BNC2: variants seen among roughly 807,000 people sequenced by gnomAD.
BNC2 encodes basonuclin zinc finger protein 2, also known as zinc finger protein basonuclin-2.
BNC2 carries 20 observed loss-of-function variants against 76.3 expected under a neutral mutation model. The observed-to-expected ratio is 0.26, with a 90% confidence interval of 0.18 to 0.38. The LOEUF is 0.38. Ranked by LOEUF, BNC2 falls within the 10% of genes least tolerant of loss-of-function variation. The pLI, the probability that BNC2 is intolerant of heterozygous loss-of-function variation, is 1.00. For missense variants in BNC2, 1,382 were observed against 1,399.8 expected (o/e 0.99, Z 0.20); for synonymous variants, 582 against 514.8 (o/e 1.13, Z -1.77).
chr9:16,689,497 C>T (rs929944472), intron 3 of BNC2, among the ~76,000 whole-genome samples: 7 of 152,112 alleles, frequency 4.6e-5, no homozygotes, highest in Non-Finnish European at 7.4e-5. Flanking sequence ...CCTAAATAAA[C>T]AAACTAACTT....
chr9:16,566,745 G>C (rs1173207171), intron 4 of BNC2, among the ~76,000 whole-genome samples: 1 of 152,232 alleles, frequency 6.6e-6, no homozygotes, highest in East Asian at 1.9e-4. Context: ...AAAAGGTGTA[G>C]TATAGACCCT....
chr9:16,773,110 C>A (rs1294379335), intron 1 of BNC2, among the ~76,000 whole-genome samples: 1 of 152,106 alleles, frequency 6.6e-6, no homozygotes, highest in Non-Finnish European at 1.5e-5. Context: ...CAATTCTGTC[C>A]TGATTGCTGT....
intron 3 of BNC2, among the ~76,000 whole-genome samples, chr9:16,616,250 G>A (rs1820693225): frequency 6.6e-6 from 1 of 151,906 alleles, no homozygotes; most frequent in African/African-American, 2.4e-5. Context: ...AAATTAGGTG[G>A]GCCTGGTAGT....
At chr9:16,630,086 C>T (rs1291100440) in intron 3 of BNC2, among the ~76,000 whole-genome samples, 1 of 152,210 alleles carries the variant, frequency 6.6e-6, no homozygotes, top group Non-Finnish European at 1.5e-5. Flanking sequence ...AATGCAGTAT[C>T]TGCAGAGTGC....
At position 16,803,645 on chromosome 9, in the gene BNC2, G is replaced by C. The variant is rs377147852; in HGVS notation, c.4-65160C>G. Among the ~76,000 whole-genome samples the C allele has an allele frequency of 2.0e-5, 3 of 152,190 alleles. No homozygotes were observed. In the South Asian group the frequency reaches 6.2e-4, roughly 32 times the overall value. On this transcript the variant is annotated intron_variant, in intron 1 of 6. Transcript: ENST00000380672. ...GCCTTTGCACTCAGTAAATGTTCCT[G>C]TTATGGGCTACTCAGCCGGTGACAG...
intron 5 of BNC2, among the ~76,000 whole-genome samples, chr9:16,453,526 G>A (rs1031127477): frequency 1.3e-5 from 2 of 152,078 alleles, no homozygotes; most frequent in African/African-American, 2.4e-5. Context: ...CATCCTAACT[G>A]GATTATTTTG....
chr9:16,549,394 A>G (rs896799492), intron 5 of BNC2, among the ~76,000 whole-genome samples: 21 of 152,206 alleles, frequency 1.4e-4, no homozygotes, highest in South Asian at 2.1e-4. Flanking sequence ...TAACTGACAT[A>G]ATATTCAATA....
At chr9:16,810,415 T>C (rs1469605477) in intron 1 of BNC2, among the ~76,000 whole-genome samples, 1 of 152,220 alleles carries the variant, frequency 6.6e-6, no homozygotes, top group Non-Finnish European at 1.5e-5. Flanking sequence ...ACAGCCTAAA[T>C]AGGGGCTACA....
intron 5 of BNC2, among the ~76,000 whole-genome samples, chr9:16,470,571 T>A (rs1462683056): frequency 6.6e-6 from 1 of 152,172 alleles, no homozygotes; most frequent in Non-Finnish European, 1.5e-5. Context: ...GTCCCCATGC[T>A]GTGTGCAGCC....
At chr9:16,475,587 G>A (rs1821911034) in intron 5 of BNC2, among the ~76,000 whole-genome samples, 1 of 152,216 alleles carries the variant, frequency 6.6e-6, no homozygotes. Flanking sequence ...AAGCTGCTGT[G>A]ATTCTCTCTA....
chr9:16,861,498 G>C (rs1029356024), intron 1 of BNC2, among the ~76,000 whole-genome samples: 1 of 147,256 alleles, frequency 6.8e-6, no homozygotes, highest in African/African-American at 2.6e-5. Flanking sequence ...TAACCCAAGT[G>C]AAAAATGGCC....
chr9:16,793,202 GT>G (rs1322048479), intron 1 of BNC2, among the ~76,000 whole-genome samples: 2 of 152,070 alleles, frequency 1.3e-5, no homozygotes, highest in African/African-American at 2.4e-5. Context: ...ACAATACAAT[GT>G]TTTTTTAGAC....
chr9:16,797,847 G>T (rs1802544173), intron 1 of BNC2, among the ~76,000 whole-genome samples: 1 of 152,088 alleles, frequency 6.6e-6, no homozygotes, highest in Non-Finnish European at 1.5e-5. Context: ...TCCTAGGAAA[G>T]GAAGCAGGCC....
At chr9:16,596,063 T>C (rs772199819) in intron 3 of BNC2, among the ~76,000 whole-genome samples, 5 of 152,112 alleles carry the variant, frequency 3.3e-5, no homozygotes, top group Non-Finnish European at 5.9e-5. Context: ...TGATAGACTA[T>C]AAATGGCTCG....
intron 3 of BNC2, among the ~76,000 whole-genome samples, chr9:16,588,197 G>A (rs1040866225): frequency 2.0e-5 from 3 of 152,144 alleles, no homozygotes; most frequent in Non-Finnish European, 4.4e-5. Context: ...AACCTATCCG[G>A]CAACAGGAAA....
chr9:16,829,474 G>C (rs554235938), intron 1 of BNC2, among the ~76,000 whole-genome samples: 151 of 152,228 alleles, frequency 9.9e-4, no homozygotes, highest in African/African-American at 3.5e-3. Context: ...TCACAAGTTG[G>C]ACAAGTGGGT....
chr9:16,635,461 G>C (rs536531915), intron 3 of BNC2, among the ~76,000 whole-genome samples: 104 of 152,064 alleles, frequency 6.8e-4, no homozygotes, highest in African/African-American at 2.1e-3. Flanking sequence ...TAATACTTTT[G>C]AATACCTTGA....
At position 16,417,761 on chromosome 9, in the gene BNC2, A is replaced by ATC. The variant is rs1820615546; in HGVS notation, c.*1226_*1227dup. The ATC allele has an allele frequency of 6.6e-6, 1 of 152,666 alleles. No homozygotes were observed. The highest frequency in any genetic ancestry group is 2.4e-5 in the African/African-American group (1 of 41,458). 9.5% of individuals were successfully genotyped at this position (152,666 alleles called of 1,614,324 possible). On this transcript the variant is annotated 3_prime_UTR_variant, in exon 7 of 7. Transcript: ENST00000380672. Reference sequence around the variant, plus strand: ...TTGGGCTTTTGTATCCTGAAATATTATCCTGCCTCTGAAGAATAAATGCCT... The same window carrying ATC: ...TTGGGCTTTTGTATCCTGAAATATTATCTCCTGCCTCTGAAGAATAAATGCCT...
At chr9:16,848,458 T>G (rs1357397362) in intron 1 of BNC2, among the ~76,000 whole-genome samples, 1 of 151,952 alleles carries the variant, frequency 6.6e-6, no homozygotes, top group Non-Finnish European at 1.5e-5. Flanking sequence ...CCCACAGGAG[T>G]TACAGTACAT....
Sources: allele counts gnomAD v4.1 joint callset (sites outside exome capture counted in the v4.1 genomes callset), GRCh38; gene constraint gnomAD v4.1.1; transcripts MANE v1.5; gene names NCBI Gene and HGNC (gene_info 2026-07-23, HGNC 2026-07-21).